VPS13B: variants seen among roughly 807,000 people sequenced by gnomAD.
VPS13B encodes vacuolar protein sorting 13 homolog B.
In VPS13B, 285 loss-of-function variants were observed where a neutral mutation model predicts 426.4. The ratio of observed to expected loss-of-function variants is 0.67; its 90% CI spans 0.61 to 0.74. The LOEUF (loss-of-function observed/expected upper bound fraction) is 0.74. Among genes scored for constraint, VPS13B ranks in the 30% least tolerant of loss-of-function variants. The pLI, the probability that VPS13B is intolerant of heterozygous loss-of-function variation, is 0.00. For synonymous variants in VPS13B, 1,676 were observed against 1,676.4 expected (o/e 1.00, Z 0.01); for missense variants, 4,537 against 4,782.6 (o/e 0.95, Z 1.51).
intron 43 of VPS13B, among the ~76,000 whole-genome samples, chr8:99,796,281 T>C (rs1016792447): frequency 1.3e-5 from 2 of 151,762 alleles, no homozygotes; most frequent in Non-Finnish European, 2.9e-5. Flanking sequence ...GAGAGAGGGA[T>C]AAAAGCCAGA....
At chr8:99,075,956 G>T (rs1287737934) in intron 3 of VPS13B, among the ~76,000 whole-genome samples, 1 of 151,810 alleles carries the variant, frequency 6.6e-6, no homozygotes, top group Non-Finnish European at 1.5e-5. Flanking sequence ...TCATTAGGTG[G>T]TTTTTTTGAA....
intron 61 of VPS13B, among the ~76,000 whole-genome samples, chr8:99,873,673 A>G (rs1272081022): frequency 1.3e-5 from 2 of 151,986 alleles, no homozygotes; most frequent in Admixed American, 6.6e-5. Context: ...TATAACCCCA[A>G]CCTCTCCTAC....
chr8:99,639,234 A>T (rs1208668486), intron 33 of VPS13B, among the ~76,000 whole-genome samples: 1 of 152,200 alleles, frequency 6.6e-6, no homozygotes, highest in Admixed American at 6.5e-5. Flanking sequence ...ACACTGTCTG[A>T]TACTGTCACC....
rs1814450788 is a variant in VPS13B, at chr8:99,391,590, G to A, written c.2968G>A (p.Val990Ile). The A allele has an allele frequency of 1.9e-6, 3 of 1,614,088 alleles. No homozygotes were observed. The highest frequency in any genetic ancestry group is 8.5e-7 in the Non-Finnish European group (1 of 1,180,042). The change falls in exon 21 of 62, where the codon GTT (valine) becomes ATT (isoleucine). Residue 990 changes from valine to isoleucine, a missense_variant. Transcript: ENST00000357162. ...PVVAVPLVMP[V>I]CRRKEDEVSI... ...GGTAGCTGTTCCTCTTGTTATGCCA[G>A]TTTGTAGAAGGAAAGAGGATGAGGT...
chr8:99,416,730 A>G (rs955937021), intron 21 of VPS13B, among the ~76,000 whole-genome samples: 1 of 151,216 alleles, frequency 6.6e-6, no homozygotes, highest in Non-Finnish European at 1.5e-5. Context: ...GCTTCGGCTC[A>G]CCCTCCCTGG....
chr8:99,138,132 A>AAT (rs1313456036), intron 12 of VPS13B, among the ~76,000 whole-genome samples: 1 of 151,966 alleles, frequency 6.6e-6, no homozygotes, highest in African/African-American at 2.4e-5. Flanking sequence ...TCTAGATTCT[A>AAT]ATATATATAT....
At chr8:99,412,885 A>G (rs1041129602) in intron 21 of VPS13B, among the ~76,000 whole-genome samples, 4 of 152,220 alleles carry the variant, frequency 2.6e-5, no homozygotes, top group African/African-American at 9.7e-5. Context: ...ATGTTGAACC[A>G]GCCTTGCATT....
At chr8:99,376,720 G>T (rs867805443) in intron 19 of VPS13B, among the ~76,000 whole-genome samples, 40 of 152,126 alleles carry the variant, frequency 2.6e-4, no homozygotes, top group Middle Eastern at 6.8e-3. Context: ...GTACAATATG[G>T]AGGTTATCTG....
At position 99,860,275 on chromosome 8, in the gene VPS13B, T is replaced by C. The variant is rs533124642; in HGVS notation, c.11044+795T>C. Among the ~76,000 whole-genome samples the C allele has an allele frequency of 1.2e-4, 18 of 152,066 alleles. No homozygotes were observed. In the East Asian group the frequency reaches 1.4e-3, roughly 11 times the overall value. ...GATCCATAGAGCGGGTGAGGGACTGTGGGTGGGAGGGCTGGCAAGAGAACA... is the reference window on the plus strand; with the variant it reads ...GATCCATAGAGCGGGTGAGGGACTGCGGGTGGGAGGGCTGGCAAGAGAACA... On this transcript the variant is annotated intron_variant, in intron 57 of 61. Coordinates refer to ENST00000357162, the MANE Select transcript of VPS13B (RefSeq NM_152564.5).
At chr8:99,447,318 T>C (rs200373730) in intron 23 of VPS13B, among the ~76,000 whole-genome samples, 2 of 152,156 alleles carry the variant, frequency 1.3e-5, no homozygotes, top group Non-Finnish European at 2.9e-5. Flanking sequence ...TTGTGGGTTT[T>C]CCCCCCACCC....
At chr8:99,621,045 A>G (rs1828328810) in intron 33 of VPS13B, among the ~76,000 whole-genome samples, 1 of 151,914 alleles carries the variant, frequency 6.6e-6, no homozygotes, top group Admixed American at 6.6e-5. Flanking sequence ...GGAGAAAGAA[A>G]AACTAGAGGA....
intron 2 of VPS13B, among the ~76,000 whole-genome samples, chr8:99,026,370 C>T (rs1013885186): frequency 6.6e-6 from 1 of 152,098 alleles, no homozygotes; most frequent in African/African-American, 2.4e-5. Context: ...CTTGATATGA[C>T]TTGGACTTTT....
At chr8:99,738,654 A>G (rs900984584) in intron 39 of VPS13B, among the ~76,000 whole-genome samples, 1 of 152,204 alleles carries the variant, frequency 6.6e-6, no homozygotes, top group Non-Finnish European at 1.5e-5. Flanking sequence ...TTTCCAGGCA[A>G]TATCTTTATC....
intron 19 of VPS13B, among the ~76,000 whole-genome samples, chr8:99,300,882 T>TG (rs1820324510): frequency 7.7e-6 from 1 of 129,094 alleles, no homozygotes; most frequent in Admixed American, 7.6e-5. Flanking sequence ...TTAATATAGT[T>TG]TTTTTTTTTT....
At chr8:99,239,817 C>T (rs1021540413) in intron 17 of VPS13B, among the ~76,000 whole-genome samples, 3 of 152,032 alleles carry the variant, frequency 2.0e-5, no homozygotes, top group African/African-American at 7.2e-5. Context: ...TTAAACAGAA[C>T]AATAAGATAT....
intron 23 of VPS13B, among the ~76,000 whole-genome samples, chr8:99,465,535 A>C (rs1275419867): frequency 6.6e-6 from 1 of 152,054 alleles, no homozygotes; most frequent in Non-Finnish European, 1.5e-5. Context: ...AAATTTAACA[A>C]ATTTTAATCT....
intron 17 of VPS13B, among the ~76,000 whole-genome samples, chr8:99,245,897 A>G (rs962038392): frequency 6.6e-6 from 1 of 152,208 alleles, no homozygotes; most frequent in African/African-American, 2.4e-5. Context: ...ACTGTCTCTC[A>G]TTTCAGTTTT....
At chr8:99,682,648 G>C (rs1831200322) in intron 35 of VPS13B, among the ~76,000 whole-genome samples, 1 of 152,128 alleles carries the variant, frequency 6.6e-6, no homozygotes, top group Admixed American at 6.5e-5. Context: ...GATGGGGCTA[G>C]GGAAGGTAAC....
intron 35 of VPS13B, chr8:99,696,407 T>G (rs551371256): frequency 5.9e-6 from 2 of 339,006 alleles, no homozygotes. Flanking sequence ...GTGCTCATGC[T>G]GTGGCACATC....
Sources: gnomAD v4.1 joint callset for allele counts (sites outside exome capture counted in the v4.1 genomes callset) on GRCh38, gnomAD v4.1.1 for gene constraint, MANE v1.5 for transcripts, NCBI Gene and HGNC (gene_info 2026-07-23, HGNC 2026-07-21) for gene names.